Variants in RASGRF2 observed in about 807,000 individuals in gnomAD.
The protein encoded by RASGRF2 is Ras protein specific guanine nucleotide releasing factor 2, also known as ras-specific guanine nucleotide-releasing factor 2.
RASGRF2 carries 76 observed loss-of-function variants against 151.0 expected under a neutral mutation model. That is an observed-to-expected ratio of 0.50 (90% CI 0.42 to 0.61). The LOEUF (loss-of-function observed/expected upper bound fraction) is 0.61, where lower values mean the gene tolerates loss of function less well. RASGRF2 is among the 20% of genes least tolerant of loss of function. The pLI is 0.00. For missense variants in RASGRF2, 1,148 were observed against 1,564.6 expected (o/e 0.73, Z 4.49); for synonymous variants, 504 against 566.5 (o/e 0.89, Z 1.57).
intron 17 of RASGRF2, among the ~76,000 whole-genome samples, chr5:81,175,875 T>A (rs181958496): frequency 1.3e-5 from 2 of 152,168 alleles, no homozygotes; most frequent in East Asian, 3.9e-4. Flanking sequence ...AAATGATGCA[T>A]CACTGAAATG....
chr5:80,973,193 G>A (rs72769219), intron 1 of RASGRF2, among the ~76,000 whole-genome samples: 29,710 of 152,164 alleles, frequency 0.2, 3,630 homozygotes, highest in Middle Eastern at 0.36. Flanking sequence ...TCAAATTGTG[G>A]TTAAATCAAG....
At chr5:81,032,584 C>G (rs1246044852) in intron 1 of RASGRF2, among the ~76,000 whole-genome samples, 3 of 152,136 alleles carry the variant, frequency 2.0e-5, no homozygotes, top group Non-Finnish European at 4.4e-5. Flanking sequence ...AGGCCTTTGA[C>G]AAAATTCAAC....
chr5:81,055,871 G>T (rs1324307354), intron 2 of RASGRF2, among the ~76,000 whole-genome samples: 1 of 152,114 alleles, frequency 6.6e-6, no homozygotes, highest in Non-Finnish European at 1.5e-5. Context: ...GGGTGTATGT[G>T]TCCAGGAATT....
chr5:81,133,207 T>C (rs1017404059), intron 17 of RASGRF2, among the ~76,000 whole-genome samples: 3 of 152,182 alleles, frequency 2.0e-5, no homozygotes, highest in Non-Finnish European at 4.4e-5. Context: ...GTTGGATAAG[T>C]TGGTAGTGGT....
chr5:81,014,951 A>T (rs1331592610), intron 1 of RASGRF2, among the ~76,000 whole-genome samples: 1 of 152,154 alleles, frequency 6.6e-6, no homozygotes. Flanking sequence ...ACAGGGTCAC[A>T]TTCTGTTGCC....
chr5:81,113,782 C>T lies in RASGRF2; in HGVS notation c.2332C>T (p.Pro778Ser). The stretch of plus-strand genomic sequence containing the variant: ...CACCCAGAGTCCCGCTGCGTCTCCA[C>T]CACCACACACTGGTCAGATACCACT... ...TTTQSPAASPPPHTGQIPLDL... is the reference protein window; with the variant it reads ...TTTQSPAASPSPHTGQIPLDL... The change falls in exon 15 of 27, where the codon CCA becomes TCA. Residue 778 changes from proline to serine, a missense_variant. Physicochemically the swap from Pro to Ser is moderately conservative, Grantham distance 74 (BLOSUM62 -1). Transcript: ENST00000265080. The T allele has an allele frequency of 6.2e-7, 1 of 1,614,192 alleles. No individual in the cohort carries two copies. Among genetic ancestry groups the T allele is most frequent in the Non-Finnish European group, 8.5e-7 (1 of 1,180,036 alleles).
intron 21 of RASGRF2, among the ~76,000 whole-genome samples, chr5:81,207,550 A>T (rs1012608948): frequency 2.0e-5 from 3 of 152,178 alleles, no homozygotes; most frequent in African/African-American, 7.2e-5. Context: ...ACAGCAAGGG[A>T]CAAAGAACCC....
chr5:81,205,025 T>C (rs1755474368), intron 19 of RASGRF2, among the ~76,000 whole-genome samples: 1 of 152,242 alleles, frequency 6.6e-6, no homozygotes, highest in Non-Finnish European at 1.5e-5. Flanking sequence ...ATGTGCACTT[T>C]CGGAAAAGTC....
chr5:81,106,103 A>T (rs1752837915), intron 12 of RASGRF2, among the ~76,000 whole-genome samples: 2 of 152,202 alleles, frequency 1.3e-5, no homozygotes, highest in Admixed American at 1.3e-4. Flanking sequence ...AACTTTGTTT[A>T]AACTCTGGGT....
chr5:81,214,809 TCTC>T (rs1460870898), intron 23 of RASGRF2, among the ~76,000 whole-genome samples: 1 of 152,150 alleles, frequency 6.6e-6, no homozygotes, highest in East Asian at 1.9e-4. Flanking sequence ...ACCCTACCAC[TCTC>T]CTATGTTCAT....
intron 1 of RASGRF2, among the ~76,000 whole-genome samples, chr5:80,999,716 C>G (rs1749018272): frequency 6.6e-6 from 1 of 152,074 alleles, no homozygotes; most frequent in Non-Finnish European, 1.5e-5. Flanking sequence ...GGTTTTATAT[C>G]CATGACATCT....
chr5:81,217,230 C>A, intron 24 of RASGRF2, 126 bp from the exon 25 acceptor site: 1 of 1,380,884 alleles, frequency 7.2e-7, no homozygotes, highest in Non-Finnish European at 9.6e-7. Flanking sequence ...GCTTCTGAAA[C>A]TGAAATAAAA....
Position 81,036,873 on chromosome 5 carries a change from C to T in RASGRF2, c.289-6004C>T, listed in dbSNP as rs1750516516. The stretch of plus-strand genomic sequence containing the variant: ...ATTTGCAAAAGAATACATACAAGGA[C>T]TTCCTTAGGAAGGGATTTGTATTAG... On this transcript the variant is annotated intron_variant, in intron 1 of 26. Transcript: ENST00000265080. Among the ~76,000 whole-genome samples, 13 of 152,274 alleles carry T rather than the reference C, an allele frequency of 8.5e-5. No homozygotes were observed. In the South Asian group the frequency reaches 2.7e-3, roughly 32 times the overall value.
intron 16 of RASGRF2, among the ~76,000 whole-genome samples, chr5:81,125,838 A>G (rs970675365): frequency 3.3e-5 from 5 of 152,276 alleles, no homozygotes; most frequent in Admixed American, 3.3e-4. Context: ...ATAGAGACAT[A>G]GAAACATGGG....
chr5:81,055,005 A>G (rs957764075), intron 2 of RASGRF2, among the ~76,000 whole-genome samples: 2 of 152,214 alleles, frequency 1.3e-5, no homozygotes, highest in South Asian at 4.1e-4. Flanking sequence ...GAAGTTGCTT[A>G]TCAGCTTAAG....
intron 17 of RASGRF2, among the ~76,000 whole-genome samples, chr5:81,148,783 C>A (rs969208739): frequency 3.3e-5 from 5 of 151,706 alleles, no homozygotes; most frequent in Non-Finnish European, 7.4e-5. Context: ...TGTAACTAAC[C>A]TGCACATTGT....
intron 1 of RASGRF2, among the ~76,000 whole-genome samples, chr5:80,982,062 C>T (rs1008159716): frequency 1.3e-5 from 2 of 152,204 alleles, no homozygotes; most frequent in African/African-American, 4.8e-5. Context: ...TAGATCAGGA[C>T]AGGCATTAGT....
At chr5:81,171,386 G>A (rs1013108666) in intron 17 of RASGRF2, among the ~76,000 whole-genome samples, 28 of 152,276 alleles carry the variant, frequency 1.8e-4, no homozygotes, top group African/African-American at 6.0e-4. Context: ...TTTCACATCA[G>A]GCTGGAGTGC....
intron 1 of RASGRF2, among the ~76,000 whole-genome samples, chr5:80,972,502 C>T (rs923222309): frequency 2.0e-5 from 3 of 151,862 alleles, no homozygotes; most frequent in Non-Finnish European, 4.4e-5. Flanking sequence ...TCTTCTGAGC[C>T]AGAGTCTTGC....
Sources: allele counts gnomAD v4.1 joint callset (sites outside exome capture counted in the v4.1 genomes callset), GRCh38; gene constraint gnomAD v4.1.1; transcripts MANE v1.5; gene names NCBI Gene and HGNC (gene_info 2026-07-23, HGNC 2026-07-21).